ST6GALNAC4: variants seen among roughly 807,000 people sequenced by gnomAD.
The protein encoded by ST6GALNAC4 is alpha-N-acetyl-neuraminyl-2,3-beta-galactosyl-1,3-N-acetyl-galactosaminide alpha-2,6-sialyltransferase.
In ST6GALNAC4, 24 loss-of-function variants were observed where a neutral mutation model predicts 30.4. The observed-to-expected ratio is 0.79, with a 90% CI of 0.57 to 1.11. The LOEUF (loss-of-function observed/expected upper bound fraction) is 1.11. Ranked by LOEUF, ST6GALNAC4 falls within the 50% of genes most tolerant of loss-of-function variation. The pLI, the probability that ST6GALNAC4 is intolerant of heterozygous loss-of-function variation, is 0.00. For synonymous variants in ST6GALNAC4, 156 were observed against 179.7 expected (o/e 0.87, Z 1.05); for missense variants, 365 against 430.1 (o/e 0.85, Z 1.34).
At chr9:127,912,142 C>G in intron 4 of ST6GALNAC4, 126 bp downstream of exon 4, 1 of 1,220,226 alleles carries the variant, frequency 8.2e-7, no homozygotes. Context: ...GAGGGCAGGA[C>G]CATGTCTGCC....
Position 127,917,022 on chromosome 9 carries a change from C to A in ST6GALNAC4, c.-272G>T, listed in dbSNP as rs1831211393. 6.5e-6 allele frequency: 1 copy of A among 153,008 alleles called. No homozygotes were observed. Among genetic ancestry groups the A allele is most frequent in the South Asian group, 1.8e-4 (1 of 5,642 alleles). The allele number at this position is 153,008 out of a possible 1,614,324, so 9.5% of individuals were successfully genotyped here. On this transcript the variant is annotated 5_prime_UTR_variant, in exon 1 of 6. Transcript: ENST00000335791. ...GGGCCGACTGGGCTGGAAGCTGATC[C>A]GCGCGGCCAGAGGCAGGGGGCGGGG... is the stretch of plus-strand genomic sequence containing the variant.
In ST6GALNAC4 at chr9:127,910,013, G is replaced by T. The variant is rs1003751807; in HGVS notation, c.657C>A (p.Ile219=). The T allele has an allele frequency of 8.1e-6, 13 of 1,613,340 alleles. No individual in the cohort carries two copies. Among genetic ancestry groups the T allele is most frequent in the Non-Finnish European group, 1.1e-5 (13 of 1,179,986 alleles). The change falls in exon 5 of 6, where the codon ATC becomes ATA. Residue 219 remains isoleucine, a synonymous_variant. Coordinates refer to ENST00000335791, the MANE Select transcript of ST6GALNAC4 (RefSeq NM_175039.4). ...SFLSTGWFTM[I]LALELCEEIV... ...TCTCCTCACACAGCTCCAGCGCGAG[G>T]ATCATGGTGAACCAGCCGGTGCTGA...
intron 4 of ST6GALNAC4, chr9:127,910,287 G>T: frequency 7.6e-7 from 1 of 1,322,510 alleles, no homozygotes; most frequent in East Asian, 3.3e-5. Context: ...CACCCAGCGG[G>T]GCTCGGGCCC....
At chr9:127,913,246 C>A (rs747593454) in intron 3 of ST6GALNAC4, among the ~76,000 whole-genome samples, 2 of 152,226 alleles carry the variant, frequency 1.3e-5, no homozygotes, top group Middle Eastern at 3.2e-3. Flanking sequence ...GCCAAGTCAC[C>A]GGCCTCTGTG....
chr9:127,913,316 G>A (rs1831121383), intron 3 of ST6GALNAC4, among the ~76,000 whole-genome samples: 1 of 152,234 alleles, frequency 6.6e-6, no homozygotes, highest in Non-Finnish European at 1.5e-5. Flanking sequence ...CGGGAGCGGT[G>A]GCTCACGCCT....
intron 2 of ST6GALNAC4, 32 bp downstream of exon 2, chr9:127,916,376 G>A (rs778635876): frequency 3.1e-6 from 5 of 1,614,094 alleles, no homozygotes; most frequent in South Asian, 1.1e-5. Flanking sequence ...GGGCCTCTGC[G>A]TTCCCTGGAA....
At chr9:127,914,439 C>G (rs533071368) in intron 3 of ST6GALNAC4, among the ~76,000 whole-genome samples, 1 of 127,790 alleles carries the variant, frequency 7.8e-6, no homozygotes, top group Non-Finnish European at 1.6e-5. Flanking sequence ...GGCTCAGAGC[C>G]GAGATCGCGC....
intron 5 of ST6GALNAC4, among the ~76,000 whole-genome samples, chr9:127,909,124 C>T (rs1831010034): frequency 6.6e-6 from 1 of 151,354 alleles, no homozygotes; most frequent in African/African-American, 2.4e-5. Flanking sequence ...GCGGTGCTCA[C>T]ACCTGTAATC....
Position 127,912,465 on chromosome 9 carries a change from G to C in ST6GALNAC4, c.414C>G (p.His138Gln). 6.2e-7 allele frequency: 1 copy of C among 1,614,040 alleles called. No individual in the cohort carries two copies. Among genetic ancestry groups the C allele is most frequent in the Non-Finnish European group, 8.5e-7 (1 of 1,179,936 alleles). Residue 138 changes from histidine to glutamine, a missense_variant, in exon 4 of 6, where the codon CAC becomes CAG. By Grantham distance (24) the His-to-Gln change is conservative. Coordinates refer to ENST00000335791, the MANE Select transcript of ST6GALNAC4 (RefSeq NM_175039.4). Reference sequence around the variant, plus strand: ...GCGTGTCTCGGGCCTTCTGGAAGTAGTGTGAATAGTTGCGCAGCAGCAGCG... The same window carrying C: ...GCGTGTCTCGGGCCTTCTGGAAGTACTGTGAATAGTTGCGCAGCAGCAGCG... The part of the protein sequence containing the change: ...SVPLLLRNYS[H>Q]YFQKARDTLY...
intron 2 of ST6GALNAC4, among the ~76,000 whole-genome samples, chr9:127,915,662 A>G (rs1831179677): frequency 6.6e-6 from 1 of 152,132 alleles, no homozygotes; most frequent in African/African-American, 2.4e-5. Context: ...ACCACCACCA[A>G]GCCTCCCAGG....
chr9:127,915,918 T>A (rs879170536), intron 2 of ST6GALNAC4: 10 of 163,348 alleles, frequency 6.1e-5, no homozygotes, highest in Admixed American at 5.9e-4. Context: ...CCCACCATTT[T>A]CTGCCCGCAA....
At chr9:127,914,390 T>C (rs1165117950) in intron 3 of ST6GALNAC4, among the ~76,000 whole-genome samples, 2 of 70,562 alleles carry the variant, frequency 2.8e-5, no homozygotes, top group Admixed American at 4.0e-4. Flanking sequence ...CAAAACTCCA[T>C]CTCAAAAAAA....
At chr9:127,911,869 C>T (rs994325538) in intron 4 of ST6GALNAC4, among the ~76,000 whole-genome samples, 6 of 145,298 alleles carry the variant, frequency 4.1e-5, no homozygotes, top group African/African-American at 8.0e-5. Context: ...GTGATCCTCC[C>T]GCCTTGGCCT....
intron 5 of ST6GALNAC4, among the ~76,000 whole-genome samples, chr9:127,909,376 C>T (rs896608963): frequency 2.1e-5 from 3 of 140,032 alleles, no homozygotes; most frequent in African/African-American, 5.3e-5. Context: ...GCAACAAGAG[C>T]AAAACTCCAT....
intron 3 of ST6GALNAC4, among the ~76,000 whole-genome samples, chr9:127,914,087 C>T (rs1329652380): frequency 6.7e-6 from 1 of 148,772 alleles, no homozygotes. Context: ...CTCTCTCAAA[C>T]AAACAAACAA....
intron 4 of ST6GALNAC4, 118 bp downstream of exon 4, chr9:127,912,150 G>T: frequency 2.3e-6 from 3 of 1,297,488 alleles, no homozygotes; most frequent in Non-Finnish European, 2.1e-6. Flanking sequence ...GACCATGTCT[G>T]CCTCCATGAG....
chr9:127,916,103 T>C (rs1401386940), intron 2 of ST6GALNAC4: 2 of 517,510 alleles, frequency 3.9e-6, no homozygotes, highest in Admixed American at 6.8e-5. Context: ...GCTTCTGCAG[T>C]AAAGACAAGA....
Position 127,915,444 on chromosome 9 carries a change from G to A in ST6GALNAC4, c.13-603C>T, listed in dbSNP as rs554865148. 1.3e-3 allele frequency among the ~76,000 whole-genome samples: 197 copies of A among 152,286 alleles called. 1 individual carries two copies. The highest frequency in any genetic ancestry group is 1.9e-3 in the Non-Finnish European group (130 of 68,028). ...CTCAGTGGCTGTCCCCTGGTGATCC[G>A]GATCTGGGTCAGCAGGCCAGGTGGC... On this transcript the variant is annotated intron_variant, in intron 2 of 5. Coordinates refer to ENST00000335791, the MANE Select transcript of ST6GALNAC4 (RefSeq NM_175039.4).
At chr9:127,913,107 A>G (rs62585273) in intron 3 of ST6GALNAC4, among the ~76,000 whole-genome samples, 10,415 of 152,306 alleles carry the variant, frequency 0.068, 436 homozygotes, top group African/African-American at 0.11. Flanking sequence ...CCTCCCCTGC[A>G]CATGCCTCAC....
Sources: allele counts gnomAD v4.1 joint callset (sites outside exome capture counted in the v4.1 genomes callset), GRCh38; gene constraint gnomAD v4.1.1; transcripts MANE v1.5; gene names NCBI Gene and HGNC (gene_info 2026-07-23, HGNC 2026-07-21).